Variants in DEPP1 observed in about 807,000 individuals in gnomAD.
DEPP1 encodes protein DEPP1.
For synonymous variants in DEPP1, 117 were observed against 113.6 expected (o/e 1.03, Z -0.19); for missense variants, 267 against 280.1 (o/e 0.95, Z 0.33).
At position 44,977,533 on chromosome 10, in the gene DEPP1, C is replaced by T. The variant is rs139141249; in HGVS notation, c.498G>A (p.Pro166=). 3.7e-6 allele frequency: 6 copies of T among 1,613,460 alleles called. No homozygotes were observed. Among genetic ancestry groups the T allele is most frequent in the East Asian group, 2.2e-5 (1 of 44,876 alleles). The change falls in exon 2 of 2, where the codon CCG becomes CCA. Residue 166 remains proline, a synonymous_variant. Transcript: ENST00000298295. ...GGTCAGAGCTCTGCTGCCCATCCTG[C>T]GGTGGTCTTGCCAGGGAATGCCCAG... ...RMPGHSLARP[P]QDGQQSSDLR... is the part of the protein sequence containing the mutation.
Position 44,977,688 on chromosome 10 carries a change from T to C in DEPP1, c.343A>G (p.Lys115Glu), listed in dbSNP as rs1449063478. The change falls in exon 2 of 2, where the codon AAG becomes GAG. Residue 115 changes from lysine to glutamate, a missense_variant. By Grantham distance (56) the Lys-to-Glu change is moderately conservative (BLOSUM62 1). Transcript: ENST00000298295. ...LDWLFGESQE[K>E]QPSQRDLPRR... ...GGCAGGTCCCTCTGGCTTGGCTGCT[T>C]TTCCTGGGACTCCCCAAAAAGCCAG... 1 of 1,612,862 alleles carries C rather than the reference T, an allele frequency of 6.2e-7. No individual in the cohort carries two copies. Among genetic ancestry groups the C allele is most frequent in the South Asian group, 1.1e-5 (1 of 91,070 alleles).
rs760771806 is a variant in DEPP1 at position 44,977,990 on chromosome 10, G to A, written c.41C>T (p.Thr14Ile). ...CATCTCCTCCGTGGTCTCCCGAATT[G>A]TGGGCAGATGGGCCACGGAGAGCAG... ...RLLLSVAHLPTIRETTEEMLL... is the reference protein window; with the variant it reads ...RLLLSVAHLPIIRETTEEMLL... Residue 14 changes from threonine (T) to isoleucine (I), a missense_variant, in exon 2 of 2, where the codon ACA becomes ATA. By Grantham distance (89) the Thr-to-Ile change is moderately conservative. Coordinates refer to ENST00000298295, the MANE Select transcript of DEPP1 (RefSeq NM_007021.4). The A allele has an allele frequency of 2.5e-6, 4 of 1,611,572 alleles. No homozygotes were observed. The highest frequency in any genetic ancestry group is 2.2e-5 in the South Asian group (2 of 90,954).
rs918931361 is a variant in DEPP1 at position 44,977,245 on chromosome 10, G to A, written c.*147C>T. 2.8e-5 allele frequency: 27 copies of A among 972,914 alleles called. No homozygotes were observed. Among genetic ancestry groups the A allele is most frequent in the African/African-American group, 2.8e-4 (17 of 61,444 alleles). The allele number at this position is 972,914 out of a possible 1,614,324, so 60.3% of individuals were successfully genotyped here. A position where few individuals can be genotyped will look rare whatever the true frequency, so the allele number is the denominator to read the frequency against. ...GCTGTTATCATATTCAGAGGGGGTCGGTCTCACTGTGAACTGCCCAAGCAG... is the reference window on the plus strand; with the variant it reads ...GCTGTTATCATATTCAGAGGGGGTCAGTCTCACTGTGAACTGCCCAAGCAG... On this transcript the variant is annotated 3_prime_UTR_variant, in exon 2 of 2. Transcript: ENST00000298295.
At position 44,977,026 on chromosome 10, in the gene DEPP1, G is replaced by T. The variant is rs917001568; in HGVS notation, c.*366C>A. ...TACCACCAGTTTCCCCACCAGCGAT[G>T]ATGGTAGCTACTCAGCCAGTGGGCT... On this transcript the variant is annotated 3_prime_UTR_variant, in exon 2 of 2. Coordinates refer to ENST00000298295, the MANE Select transcript of DEPP1 (RefSeq NM_007021.4). 1 of 172,680 alleles carries T rather than the reference G, an allele frequency of 5.8e-6. No homozygotes were observed. Among genetic ancestry groups the T allele is most frequent in the Non-Finnish European group, 1.2e-5 (1 of 82,214 alleles). 10.7% of individuals were successfully genotyped at this position (172,680 alleles called of 1,614,324 possible).
rs1052992771 is a variant in DEPP1, at chr10:44,976,170, G to T, written c.*1222C>A. On this transcript the variant is annotated 3_prime_UTR_variant, in exon 2 of 2. Transcript: ENST00000298295. ...TTTGTCTACAGTGCTCATAAATGCA[G>T]CTCCAAGTTCACATGCGCAGATTCC... is the stretch of plus-strand genomic sequence containing the variant. The T allele has an allele frequency of 3.3e-5, 5 of 152,152 alleles. No homozygotes were observed. The highest frequency in any genetic ancestry group is 1.5e-5 in the Non-Finnish European group (1 of 68,026). The allele number at this position is 152,152 out of a possible 1,614,324, so 9.4% of individuals were successfully genotyped here.
rs1475347409 is a variant in DEPP1, at chr10:44,977,657, C to T, written c.374G>A (p.Arg125Lys). 6.2e-7 allele frequency: 1 copy of T among 1,613,128 alleles called. No homozygotes were observed. Among genetic ancestry groups the T allele is most frequent in the Non-Finnish European group, 8.5e-7 (1 of 1,179,806 alleles). The change falls in exon 2 of 2, where the codon AGG becomes AAG. Residue 125 changes from arginine (R) to lysine (K), a missense_variant. Transcript: ENST00000298295. ...CCAGAGGCCAGCAGAGGGGCCAGTC[C>T]TCCTTGGCAGGTCCCTCTGGCTTGG... ...KQPSQRDLPR[R>K]TGPSAGLWGP...
At position 44,977,903 on chromosome 10, in the gene DEPP1, G is replaced by A; in HGVS notation, c.128C>T (p.Ser43Phe). The change falls in exon 2 of 2, where the codon TCT (serine) becomes TTT (phenylalanine). Residue 43 changes from serine to phenylalanine, a missense_variant. Ser to Phe is a radical substitution (Grantham distance 155, BLOSUM62 -2). Coordinates refer to ENST00000298295, the MANE Select transcript of DEPP1 (RefSeq NM_007021.4). ...PSPSLDDYVRSISRLAQPTSV... is the reference protein window; with the variant it reads ...PSPSLDDYVRFISRLAQPTSV... ...GGTGGGCTGTGCCAGTCGAGATATA[G>A]ACCTCACGTAGTCATCCAGGCTAGG... 2 of 1,612,708 alleles carry A rather than the reference G, an allele frequency of 1.2e-6. No individual in the cohort carries two copies.
Position 44,977,881 on chromosome 10 carries a change from G to C in DEPP1, c.150C>G (p.Pro50=). Residue 50 remains proline (P), a synonymous_variant, in exon 2 of 2, where the codon CCC becomes CCG. Coordinates refer to ENST00000298295, the MANE Select transcript of DEPP1 (RefSeq NM_007021.4). ...CCGTGGCCTTGTCCAGCACAGAGGT[G>C]GGCTGTGCCAGTCGAGATATAGACC... ...YVRSISRLAQ[P]TSVLDKATAQ... is the part of the protein sequence containing the mutation. 1 of 1,612,464 alleles carries C rather than the reference G, an allele frequency of 6.2e-7. No individual in the cohort carries two copies. Among genetic ancestry groups the C allele is most frequent in the South Asian group, 1.1e-5 (1 of 91,018 alleles).
intron 1 of DEPP1, 132 bp from the exon 2 acceptor site, chr10:44,978,187 G>C: frequency 1.3e-6 from 1 of 769,812 alleles, no homozygotes; most frequent in Non-Finnish European, 2.0e-6. Flanking sequence ...ACAGAGCCCA[G>C]ACCAGAGCTC....
In DEPP1 at chr10:44,977,802, G is replaced by A. The variant is rs151337183; in HGVS notation, c.229C>T (p.Arg77Cys). Residue 77 changes from arginine (R) to cysteine (C), a missense_variant, in exon 2 of 2, where the codon CGC (arginine) becomes TGC (cysteine). Arg to Cys is a radical substitution (Grantham distance 180). Transcript: ENST00000298295. ...ATGTCTCGCAGGGACACAGCAGGGC[G>A]GCCCTTCCGGCAGGCCTGGGCTGGC... ...HRPAQACRKG[R>C]PAVSLRDITA... The A allele has an allele frequency of 2.8e-4, 444 of 1,600,682 alleles. No homozygotes were observed. The highest frequency in any genetic ancestry group is 3.3e-4 in the Non-Finnish European group (387 of 1,173,008).
chr10:44,977,361 G>A lies in DEPP1; in HGVS notation c.*31C>T. The A allele has an allele frequency of 2.6e-6, 4 of 1,529,908 alleles. No homozygotes were observed. Among genetic ancestry groups the A allele is most frequent in the South Asian group, 1.3e-5 (1 of 79,102 alleles). 94.8% of individuals were successfully genotyped at this position (1,529,908 alleles called of 1,614,324 possible). ...ACGAGAGGAGATGCAGACCCAGCAT[G>A]CTCTCTACAGAAGCCTTTACTGGGG... On this transcript the variant is annotated 3_prime_UTR_variant, in exon 2 of 2. Transcript: ENST00000298295.
rs1242867318 is a variant in DEPP1, at chr10:44,976,642, A to T, written c.*750T>A. 1 of 152,480 alleles carries T rather than the reference A, an allele frequency of 6.6e-6. No homozygotes were observed. Among genetic ancestry groups the T allele is most frequent in the Non-Finnish European group, 1.5e-5 (1 of 68,208 alleles). The allele number at this position is 152,480 out of a possible 1,614,324, so 9.4% of individuals were successfully genotyped here. A position where few individuals can be genotyped will look rare whatever the true frequency, so the allele number is the denominator to read the frequency against. On this transcript the variant is annotated 3_prime_UTR_variant, in exon 2 of 2. Coordinates refer to ENST00000298295, the MANE Select transcript of DEPP1 (RefSeq NM_007021.4). ...TGACTTCCCCAGTGGACAGCTGGAC[A>T]GTGCCCTGCTCTCACCCACAGCTGG...
rs780673284 is a variant in DEPP1 at position 44,977,848 on chromosome 10, G to A, written c.183C>T (p.Gly61=). ...TSVLDKATAQ[G]QPRPPHRPAQ... is the part of the protein sequence containing the mutation. ...CTGGCCTGTGGGGTGGCCTGGGTTG[G>A]CCCTGGGCCGTGGCCTTGTCCAGCA... The change falls in exon 2 of 2, where the codon GGC becomes GGT. Residue 61 remains glycine, a synonymous_variant. Transcript: ENST00000298295. 2.5e-6 allele frequency: 4 copies of A among 1,609,380 alleles called. No individual in the cohort carries two copies. In the Admixed American group the frequency reaches 6.8e-5, roughly 27 times the overall value.
Position 44,977,398 on chromosome 10 carries a change from T to C in DEPP1, c.633A>G (p.Glu211=), listed in dbSNP as rs1841481878. The C allele has an allele frequency of 1.9e-6, 3 of 1,579,224 alleles. No homozygotes were observed. The highest frequency in any genetic ancestry group is 2.6e-6 in the Non-Finnish European group (3 of 1,159,438). ...TLYSHLPVIH[E]L ...AGCCTTTACTGGGGAGGGGTCAGAG[T>C]TCATGGATCACCGGGAGGTGCGAGT... Residue 211 remains glutamate, a synonymous_variant, in exon 2 of 2, where the codon GAA becomes GAG. Transcript: ENST00000298295.
At position 44,978,046 on chromosome 10, in the gene DEPP1, A is replaced by T; in HGVS notation, c.-16T>A. ...GGGACCTCATCACTCTGGCGAGAGG[A>T]GGTGGCAACCTGTTGGGAAACAGAA... On this transcript the variant is annotated 5_prime_UTR_variant, in exon 2 of 2. Transcript: ENST00000298295. 6.3e-7 allele frequency: 1 copy of T among 1,594,638 alleles called. No individual in the cohort carries two copies. The highest frequency in any genetic ancestry group is 8.5e-7 in the Non-Finnish European group (1 of 1,174,182).
chr10:44,976,342 A>G lies in DEPP1; in HGVS notation c.*1050T>C, dbSNP rs1391045703. On this transcript the variant is annotated 3_prime_UTR_variant, in exon 2 of 2. Transcript: ENST00000298295. ...ACACACTTAACAGAAGACAGAAAAC[A>G]TTTAACAAATCCAAAGCAATTAAAA... 1 of 152,282 alleles carries G rather than the reference A, an allele frequency of 6.6e-6. No individual in the cohort carries two copies. The highest frequency in any genetic ancestry group is 2.4e-5 in the African/African-American group (1 of 41,478). 9.4% of individuals were successfully genotyped at this position (152,282 alleles called of 1,614,324 possible).
Position 44,977,833 on chromosome 10 carries a change from G to C in DEPP1, c.198C>G (p.Pro66=). 1 of 1,605,990 alleles carries C rather than the reference G, an allele frequency of 6.2e-7. No homozygotes were observed. ...TCCGGCAGGCCTGGGCTGGCCTGTGGGGTGGCCTGGGTTGGCCCTGGGCCG... is the reference window on the plus strand; with the variant it reads ...TCCGGCAGGCCTGGGCTGGCCTGTGCGGTGGCCTGGGTTGGCCCTGGGCCG... ...KATAQGQPRP[P]HRPAQACRKG... is the part of the protein sequence containing the mutation. Residue 66 remains proline (P), a synonymous_variant, in exon 2 of 2, where the codon CCC becomes CCG. Coordinates refer to ENST00000298295, the MANE Select transcript of DEPP1 (RefSeq NM_007021.4).
rs200922090 is a variant in DEPP1 at position 44,977,974 on chromosome 10, C to T, written c.57G>A (p.Thr19=). Reference sequence around the variant, plus strand: ...CAGGACCCCCAAGCAGCATCTCCTCCGTGGTCTCCCGAATTGTGGGCAGAT... The same window carrying T: ...CAGGACCCCCAAGCAGCATCTCCTCTGTGGTCTCCCGAATTGTGGGCAGAT... ...VAHLPTIRET[T]EEMLLGGPGQ... is the part of the protein sequence containing the mutation. Residue 19 remains threonine, a synonymous_variant, in exon 2 of 2, where the codon ACG becomes ACA. Coordinates refer to ENST00000298295, the MANE Select transcript of DEPP1 (RefSeq NM_007021.4). 7 of 1,612,194 alleles carry T rather than the reference C, an allele frequency of 4.3e-6. No homozygotes were observed. In the East Asian group the frequency reaches 6.7e-5, roughly 15 times the overall value.
rs780815011 is a variant in DEPP1 at position 44,977,369 on chromosome 10, C to G, written c.*23G>C. ...AGATGCAGACCCAGCATGCTCTCTA[C>G]AGAAGCCTTTACTGGGGAGGGGTCA... On this transcript the variant is annotated 3_prime_UTR_variant, in exon 2 of 2. Transcript: ENST00000298295. The G allele has an allele frequency of 1.3e-6, 2 of 1,546,322 alleles. No homozygotes were observed. Among genetic ancestry groups the G allele is most frequent in the Non-Finnish European group, 1.7e-6 (2 of 1,143,686 alleles).
Sources: gnomAD v4.1 joint callset for allele counts on GRCh38, gnomAD v4.1.1 for gene constraint, MANE v1.5 for transcripts, NCBI Gene and HGNC (gene_info 2026-07-23, HGNC 2026-07-21) for gene names.